EHMT1: variants seen among roughly 807,000 people sequenced by gnomAD.
The protein encoded by EHMT1 is euchromatic histone lysine methyltransferase 1.
EHMT1 carries 15 observed loss-of-function variants against 147.2 expected under a neutral mutation model. The ratio of observed to expected loss-of-function variants is 0.10; its 90% CI spans 0.07 to 0.16. EHMT1 has a LOEUF of 0.16. Among genes scored for constraint, EHMT1 ranks in the 10% least tolerant of loss-of-function variants. The pLI is 1.00. For missense variants in EHMT1, 1,587 were observed against 1,772.4 expected, an observed-to-expected ratio of 0.90 and a Z score of 1.88; for synonymous variants, 795 against 709.6, an observed-to-expected ratio of 1.12 and a Z score of -1.91.
chr9:137,728,589 G>T lies in EHMT1; in HGVS notation c.823+60G>T, dbSNP rs981495977. 9 of 1,609,558 alleles carry T rather than the reference G, an allele frequency of 5.6e-6. No homozygotes were observed. In the African/African-American group the frequency reaches 1.2e-4, roughly 22 times the overall value. On this transcript the variant is annotated intron_variant, in intron 4 of 26. Transcript: ENST00000460843. ...AATGTATGTTTCGAGCCTGCCCCTT[G>T]CCAGGTGAGAGTTCTGTTTGGCTGT... is the stretch of plus-strand genomic sequence containing the variant.
chr9:137,646,858 G>A (rs1198777444), intron 1 of EHMT1, among the ~76,000 whole-genome samples: 1 of 152,060 alleles, frequency 6.6e-6, no homozygotes, highest in Non-Finnish European at 1.5e-5. Flanking sequence ...AGTCCCTCAG[G>A]TTTCCTTCTG....
At chr9:137,663,275 A>G (rs1281655238) in intron 1 of EHMT1, among the ~76,000 whole-genome samples, 1 of 152,058 alleles carries the variant, frequency 6.6e-6, no homozygotes, top group Non-Finnish European at 1.5e-5. Flanking sequence ...TTGTTCTGAT[A>G]GTTGGCTTGA....
intron 1 of EHMT1, among the ~76,000 whole-genome samples, chr9:137,635,934 T>C (rs1385275839): frequency 6.6e-6 from 1 of 152,040 alleles, no homozygotes; most frequent in Admixed American, 6.6e-5. Flanking sequence ...AATTTTTTTT[T>C]TTTGAGATGG....
chr9:137,621,841 T>C (rs1414862879), intron 1 of EHMT1, among the ~76,000 whole-genome samples: 2 of 152,094 alleles, frequency 1.3e-5, no homozygotes, highest in African/African-American at 4.8e-5. Context: ...GTATCGCTTC[T>C]TTATTTTTTC....
chr9:137,733,526 G>A (rs1188507107), intron 4 of EHMT1, among the ~76,000 whole-genome samples: 2 of 152,150 alleles, frequency 1.3e-5, no homozygotes, highest in African/African-American at 2.4e-5. Context: ...AAGCTGGGAC[G>A]GTTAATTTCA....
intron 2 of EHMT1, among the ~76,000 whole-genome samples, chr9:137,712,183 C>T (rs1389109569): frequency 4.6e-5 from 7 of 152,198 alleles, no homozygotes; most frequent in South Asian, 2.1e-4. Context: ...TCTGTTGGCT[C>T]CAGTGCCCTC....
chr9:137,709,793 C>T lies in EHMT1; in HGVS notation c.22-1174C>T, dbSNP rs551884074. On this transcript the variant is annotated intron_variant, in intron 1 of 26. Coordinates refer to ENST00000460843, the MANE Select transcript of EHMT1 (RefSeq NM_024757.5). ...GCCTCTCCTCTTCTGGTTGTGGACTCGGAGCACCAAGTGTGCCTCCCTCAG... is the reference window on the plus strand; with the variant it reads ...GCCTCTCCTCTTCTGGTTGTGGACTTGGAGCACCAAGTGTGCCTCCCTCAG... 1.3e-4 allele frequency among the ~76,000 whole-genome samples: 20 copies of T among 152,266 alleles called. No homozygotes were observed. The South Asian group carries it at 2.5e-3, about 19-fold the overall frequency.
At chr9:137,804,428 T>A (rs1953758044) in intron 18 of EHMT1, among the ~76,000 whole-genome samples, 1 of 152,264 alleles carries the variant, frequency 6.6e-6, no homozygotes, top group Non-Finnish European at 1.5e-5. Context: ...ATATCTTTTT[T>A]AATGAAGTGT....
chr9:137,702,658 C>T (rs1242221901), intron 1 of EHMT1, among the ~76,000 whole-genome samples: 1 of 152,162 alleles, frequency 6.6e-6, no homozygotes, highest in Non-Finnish European at 1.5e-5. Flanking sequence ...GATGGATCTA[C>T]CATTCTGGGG....
At chr9:137,749,696 T>C (rs1948824205) in intron 6 of EHMT1, among the ~76,000 whole-genome samples, 1 of 152,226 alleles carries the variant, frequency 6.6e-6, no homozygotes, top group Non-Finnish European at 1.5e-5. Context: ...TTATGCACAG[T>C]GATCAAGCAG....
At position 137,716,780 on chromosome 9, in the gene EHMT1, C is replaced by T. The variant is rs752561133; in HGVS notation, c.240C>T (p.Asn80=). ...ACACTCAGGACAGCGCAAGGGTCAA[C>T]CCCCAGGATGGCACCAACACACTAA... ...AKHTQDSARV[N]PQDGTNTLTR... is the part of the protein sequence containing the mutation. The change falls in exon 3 of 27, where the codon AAC becomes AAT. Residue 80 remains asparagine, a synonymous_variant. Coordinates refer to ENST00000460843, the MANE Select transcript of EHMT1 (RefSeq NM_024757.5). 9.6e-5 allele frequency: 155 copies of T among 1,613,110 alleles called. No homozygotes were observed. Among genetic ancestry groups the T allele is most frequent in the Non-Finnish European group, 1.3e-4 (148 of 1,179,852 alleles).
At chr9:137,816,143 G>C (rs1954901921) in intron 23 of EHMT1, 81 bp downstream of exon 23, 1 of 1,321,682 alleles carries the variant, frequency 7.6e-7, no homozygotes, top group African/African-American at 1.5e-5. Flanking sequence ...CGACAGACAA[G>C]AACTTAACGT....
intron 1 of EHMT1, chr9:137,638,216 T>A (rs1844222103): frequency 1.3e-5 from 2 of 152,094 alleles, no homozygotes; most frequent in Admixed American, 6.6e-5. Flanking sequence ...GTTCAAGCAA[T>A]TCTCCTGCCT....
At chr9:137,661,952 G>A (rs749686074) in intron 1 of EHMT1, among the ~76,000 whole-genome samples, 1 of 151,882 alleles carries the variant, frequency 6.6e-6, no homozygotes, top group Non-Finnish European at 1.5e-5. Flanking sequence ...ACACGCATGC[G>A]CCACCATGCC....
In EHMT1 at chr9:137,835,971, T is replaced by G. The variant is rs542383104; in HGVS notation, c.*1018T>G. ...TGTAATTAGTGCAGTAACAGTGGGGTTTTTTTTGTGCAACTCTTCTAAAAA... is the reference window on the plus strand; with the variant it reads ...TGTAATTAGTGCAGTAACAGTGGGGGTTTTTTTGTGCAACTCTTCTAAAAA... On this transcript the variant is annotated 3_prime_UTR_variant, in exon 27 of 27. Transcript: ENST00000460843. 7.9e-5 allele frequency: 12 copies of G among 151,518 alleles called. No individual in the cohort carries two copies. Among genetic ancestry groups the G allele is most frequent in the South Asian group, 4.2e-4 (2 of 4,808 alleles). 9.4% of individuals were successfully genotyped at this position (151,518 alleles called of 1,614,324 possible).
intron 1 of EHMT1, among the ~76,000 whole-genome samples, chr9:137,669,319 A>G: frequency 4.2e-5 from 6 of 141,672 alleles, no homozygotes; most frequent in Admixed American, 7.4e-5. Context: ...CCCTGGAAAG[A>G]CGCCCCCACA....
rs764024176 is a variant in EHMT1 at position 137,743,443 on chromosome 9, T to G, written c.896T>G (p.Val299Gly). 3 of 1,613,830 alleles carry G rather than the reference T, an allele frequency of 1.9e-6. No homozygotes were observed. The highest frequency in any genetic ancestry group is 1.3e-5 in the African/African-American group (1 of 74,942). The change falls in exon 5 of 27, where the codon GTT becomes GGT. Residue 299 changes from valine to glycine, a missense_variant. By Grantham distance (109) the Val-to-Gly change is moderately radical. This residue lies in a region of EHMT1 where 810 missense variants were observed against 673.0 expected (regional missense o/e 1.20). Transcript: ENST00000460843. ...CGAAGAATGGGAACCTATAGCCTGG[T>G]TCCTAAGAAAAAGACCAAAGTATTA... ...KKRRMGTYSL[V>G]PKKKTKVLKQ... is the part of the protein sequence containing the mutation.
intron 1 of EHMT1, among the ~76,000 whole-genome samples, chr9:137,649,937 G>A (rs1845186038): frequency 6.6e-6 from 1 of 152,190 alleles, no homozygotes; most frequent in African/African-American, 2.4e-5. Flanking sequence ...TGTACACGGA[G>A]TCTCTGTGTT....
At chr9:137,829,979 C>T (rs1171455662) in intron 25 of EHMT1, among the ~76,000 whole-genome samples, 5 of 152,280 alleles carry the variant, frequency 3.3e-5, no homozygotes, top group Admixed American at 3.3e-4. Context: ...AAGGCAAGAT[C>T]AATGCTTTAT....
Sources: gnomAD v4.1 joint callset for allele counts (sites outside exome capture counted in the v4.1 genomes callset) on GRCh38, gnomAD v4.1.1 for gene constraint, gnomAD v4.1.1 regional missense constraint, MANE v1.5 for transcripts, NCBI Gene and HGNC (gene_info 2026-07-23, HGNC 2026-07-21) for gene names.